AGBL4: variants seen among roughly 807,000 people sequenced by gnomAD.
The protein encoded by AGBL4 is AGBL carboxypeptidase 4, also known as cytosolic carboxypeptidase 6.
AGBL4 carries 58 observed loss-of-function variants against 66.4 expected under a neutral mutation model. The ratio of observed to expected loss-of-function variants is 0.87; its 90% confidence interval spans 0.71 to 1.09. The LOEUF (loss-of-function observed/expected upper bound fraction) is 1.09. Ranked by LOEUF, AGBL4 falls within the 50% of genes least tolerant of loss-of-function variation. The pLI is 0.00. For missense variants in AGBL4, 579 were observed against 631.0 expected (o/e 0.92, Z 0.88); for synonymous variants, 234 against 222.9 (o/e 1.05, Z -0.44).
intron 4 of AGBL4, among the ~76,000 whole-genome samples, chr1:49,094,583 G>C (rs1372949742): frequency 1.3e-5 from 2 of 152,132 alleles, no homozygotes; most frequent in Non-Finnish European, 2.9e-5. Context: ...GCTGGATTCA[G>C]TTTGCCAGTA....
At chr1:49,283,375 C>T (rs1207299210) in intron 3 of AGBL4, among the ~76,000 whole-genome samples, 1 of 152,220 alleles carries the variant, frequency 6.6e-6, no homozygotes, top group African/African-American at 2.4e-5. Flanking sequence ...ATCTGTACAT[C>T]ACCATCATCA....
intron 6 of AGBL4, among the ~76,000 whole-genome samples, chr1:48,806,094 G>T (rs1044263059): frequency 6.6e-6 from 1 of 151,944 alleles, no homozygotes; most frequent in Non-Finnish European, 1.5e-5. Flanking sequence ...TGCAATATTC[G>T]GTTCAGCAAG....
chr1:49,928,814 A>G (rs1317249403), intron 1 of AGBL4, among the ~76,000 whole-genome samples: 1 of 151,960 alleles, frequency 6.6e-6, no homozygotes, highest in African/African-American at 2.4e-5. Context: ...CATTACCGGT[A>G]TATCCTCAAA....
At chr1:49,229,348 C>T (rs1560512) in intron 4 of AGBL4, among the ~76,000 whole-genome samples, 1 of 152,164 alleles carries the variant, frequency 6.6e-6, no homozygotes, top group African/African-American at 2.4e-5. Flanking sequence ...ACAGAAAAGA[C>T]GTAAGAAAGG....
At position 49,245,843 on chromosome 1, in the gene AGBL4, T is replaced by A; in HGVS notation, c.304A>T (p.Asn102Tyr). ...TAGAGACTCTTGGTTTTACTGAAGT[T>A]AACAATGTTGAAAATGACCCTCTGA... ...ESQRVIFNIVNFSKTKSLYRD... is the reference protein window; with the variant it reads ...ESQRVIFNIVYFSKTKSLYRD... The change falls in exon 4 of 14, where the codon AAC (asparagine) becomes TAC (tyrosine). Residue 102 changes from asparagine to tyrosine, a missense_variant. Asn to Tyr is a moderately radical substitution (Grantham distance 143). Coordinates refer to ENST00000371839, the MANE Select transcript of AGBL4 (RefSeq NM_032785.4). The A allele has an allele frequency of 6.5e-7, 1 of 1,549,320 alleles. No individual in the cohort carries two copies. Among genetic ancestry groups the A allele is most frequent in the Non-Finnish European group, 8.7e-7 (1 of 1,145,280 alleles).
At chr1:48,879,550 TTTTAA>T (rs1336772427) in intron 5 of AGBL4, among the ~76,000 whole-genome samples, 3 of 152,146 alleles carry the variant, frequency 2.0e-5, no homozygotes, top group African/African-American at 4.8e-5. Context: ...TCCTAACATA[TTTTAA>T]TTTATTTCAA....
intron 1 of AGBL4, among the ~76,000 whole-genome samples, chr1:49,937,286 C>A (rs1037278705): frequency 6.5e-4 from 99 of 152,122 alleles, no homozygotes; most frequent in Non-Finnish European, 1.2e-3. Context: ...ACAAGAAGAG[C>A]TAACTATCCT....
At chr1:48,715,808 G>A (rs1448174334) in intron 6 of AGBL4, among the ~76,000 whole-genome samples, 1 of 152,182 alleles carries the variant, frequency 6.6e-6, no homozygotes, top group Non-Finnish European at 1.5e-5. Context: ...GTGAAATTAT[G>A]CATTGCAAAG....
At chr1:49,009,948 A>G (rs1662250120) in intron 5 of AGBL4, among the ~76,000 whole-genome samples, 1 of 151,868 alleles carries the variant, frequency 6.6e-6, no homozygotes, top group Non-Finnish European at 1.5e-5. Flanking sequence ...AACTGGAAGC[A>G]TTCCCTTTGA....
intron 3 of AGBL4, among the ~76,000 whole-genome samples, chr1:49,342,004 G>A (rs1645549323): frequency 6.6e-6 from 1 of 152,146 alleles, no homozygotes; most frequent in Non-Finnish European, 1.5e-5. Context: ...TTACTGGTCT[G>A]TGTTACCTGA....
intron 4 of AGBL4, among the ~76,000 whole-genome samples, chr1:49,142,022 C>T (rs544068634): frequency 6.6e-6 from 1 of 152,156 alleles, no homozygotes; most frequent in African/African-American, 2.4e-5. Flanking sequence ...TGAGCATGAC[C>T]CCCTGAGCTC....
chr1:48,777,496 CTTTT>C (rs1181261345), intron 6 of AGBL4, among the ~76,000 whole-genome samples: 4 of 149,536 alleles, frequency 2.7e-5, no homozygotes, highest in Admixed American at 6.6e-5. Flanking sequence ...TGCTTTCTTT[CTTTT>C]TGTTTGTTTG....
chr1:49,818,706 G>A (rs1645292131), intron 2 of AGBL4, among the ~76,000 whole-genome samples: 1 of 152,088 alleles, frequency 6.6e-6, no homozygotes, highest in Non-Finnish European at 1.5e-5. Flanking sequence ...TATATGGTCT[G>A]TGTGTGATAT....
In AGBL4 at chr1:49,124,568, G is replaced by C. The variant is rs114100669; in HGVS notation, c.378-78768C>G. On this transcript the variant is annotated intron_variant, in intron 4 of 13. Transcript: ENST00000371839. ...GCTCAATGGAGAGGAACAGGATCTG[G>C]ATTTGAAACCAATTCATTAACCAAC... Among the ~76,000 whole-genome samples, 276 of 152,258 alleles carry C rather than the reference G, an allele frequency of 1.8e-3. 1 individual carries two copies. The highest frequency in any genetic ancestry group is 6.0e-3 in the African/African-American group (249 of 41,556).
chr1:49,844,701 TAG>T lies in AGBL4; in HGVS notation c.157+6693_157+6694del, dbSNP rs1378433940. 1.0e-5 allele frequency: 16 copies of T among 1,601,184 alleles called. No homozygotes were observed. In the Admixed American group the frequency reaches 2.7e-4, roughly 27 times the overall value. Reference sequence around the variant, plus strand: ...TTTTGCTTCTTTCAGACTTGGAAACTAGACCCAAAGTCAAACTGTCAGTTCTA... The same window carrying T: ...TTTTGCTTCTTTCAGACTTGGAAACTACCCAAAGTCAAACTGTCAGTTCTA... On this transcript the variant is annotated intron_variant, in intron 2 of 13. Coordinates refer to ENST00000371839, the MANE Select transcript of AGBL4 (RefSeq NM_032785.4).
intron 4 of AGBL4, among the ~76,000 whole-genome samples, chr1:49,048,001 C>A (rs1023913721): frequency 7.9e-5 from 12 of 152,016 alleles, no homozygotes; most frequent in Non-Finnish European, 1.5e-5. Context: ...ATTGAAGATG[C>A]AGTTAAGTGA....
At chr1:49,095,482 C>G (rs1244470993) in intron 4 of AGBL4, among the ~76,000 whole-genome samples, 1 of 152,142 alleles carries the variant, frequency 6.6e-6, no homozygotes, top group Non-Finnish European at 1.5e-5. Flanking sequence ...GGTACCAAAA[C>G]AGAGATAGAT....
intron 5 of AGBL4, among the ~76,000 whole-genome samples, chr1:48,868,544 G>C (rs1271683397): frequency 1.3e-5 from 2 of 152,162 alleles, no homozygotes; most frequent in Admixed American, 1.3e-4. Flanking sequence ...TCTGACTCTA[G>C]AGTCCAAAAT....
At chr1:49,999,457 C>T (rs1353015937) in intron 1 of AGBL4, among the ~76,000 whole-genome samples, 11 of 152,014 alleles carry the variant, frequency 7.2e-5, no homozygotes, top group Non-Finnish European at 1.5e-4. Context: ...AAATACATCC[C>T]GTGCTCATGG....
Sources: allele counts gnomAD v4.1 joint callset (sites outside exome capture counted in the v4.1 genomes callset), GRCh38; gene constraint gnomAD v4.1.1; transcripts MANE v1.5; gene names NCBI Gene and HGNC (gene_info 2026-07-23, HGNC 2026-07-21).